The following COG5 variants were observed in gnomAD, a reference collection of about 807,000 sequenced individuals.
COG5 encodes component of oligomeric golgi complex 5, also known as conserved oligomeric Golgi complex subunit 5.
COG5 carries 86 observed loss-of-function variants against 110.4 expected under a neutral mutation model. That is an observed-to-expected ratio of 0.78 (90% CI 0.65 to 0.93). The LOEUF (loss-of-function observed/expected upper bound fraction) is 0.93. Ranked by LOEUF, COG5 falls within the 40% of genes least tolerant of loss-of-function variation. The pLI is 0.00. For synonymous variants in COG5, 360 were observed against 334.6 expected, an observed-to-expected ratio of 1.08 and a Z score of -0.83; for missense variants, 1,077 against 987.0, an observed-to-expected ratio of 1.09 and a Z score of -1.22.
In COG5 at chr7:107,336,917, T is replaced by C. The variant is rs958957472; in HGVS notation, c.1027-12396A>G. ...CGCCTGGGAGCCAGAAGGACAAATA[T>C]CCAGAACATAGAAAGAACTCAGTCA... On this transcript the variant is annotated intron_variant, in intron 10 of 21. Transcript: ENST00000297135. 3.3e-5 allele frequency among the ~76,000 whole-genome samples: 5 copies of C among 151,916 alleles called. No individual in the cohort carries two copies. The South Asian group carries it at 8.3e-4, about 25-fold the overall frequency.
intron 8 of COG5, among the ~76,000 whole-genome samples, chr7:107,369,135 G>A (rs1813888421): frequency 6.6e-6 from 1 of 152,060 alleles, no homozygotes; most frequent in African/African-American, 2.4e-5. Flanking sequence ...ATTCCAATGT[G>A]CGTATTTACA....
At chr7:107,347,149 A>G (rs1455461931) in intron 10 of COG5, among the ~76,000 whole-genome samples, 2 of 152,216 alleles carry the variant, frequency 1.3e-5, no homozygotes, top group Non-Finnish European at 2.9e-5. Flanking sequence ...AAACAACTAA[A>G]GAGTTTGGGG....
chr7:107,368,494 T>C (rs1194511403), intron 8 of COG5, among the ~76,000 whole-genome samples: 2 of 152,214 alleles, frequency 1.3e-5, no homozygotes, highest in Admixed American at 6.5e-5. Flanking sequence ...AACAGGTTTC[T>C]GGATCGCTGG....
intron 6 of COG5, among the ~76,000 whole-genome samples, chr7:107,525,129 T>C (rs1800634041): frequency 6.6e-6 from 1 of 152,098 alleles, no homozygotes; most frequent in African/African-American, 2.4e-5. Flanking sequence ...GGTTTCACCA[T>C]GTTGGCCAGG....
Position 107,534,727 on chromosome 7 carries a change from T to C in COG5, c.418-7370A>G, listed in dbSNP as rs368207841. On this transcript the variant is annotated intron_variant, in intron 5 of 21. Coordinates refer to ENST00000297135, the MANE Select transcript of COG5 (RefSeq NM_006348.5). ...TCCCAGACAGTAACAGTGGGAGACATTAACACCCCAATGTCAATATTAGTC... is the reference window on the plus strand; with the variant it reads ...TCCCAGACAGTAACAGTGGGAGACACTAACACCCCAATGTCAATATTAGTC... Among the ~76,000 whole-genome samples, 25 of 151,468 alleles carry C rather than the reference T, an allele frequency of 1.7e-4. No individual in the cohort carries two copies. The East Asian group carries it at 2.9e-3, about 18-fold the overall frequency.
intron 14 of COG5, among the ~76,000 whole-genome samples, chr7:107,269,474 CAA>C (rs200139122): frequency 1.8e-4 from 16 of 88,476 alleles, no homozygotes; most frequent in African/African-American, 2.0e-4. Flanking sequence ...GACTCCGTCT[CAA>C]AAAAAAAAAA....
At chr7:107,355,330 AC>A (rs1475451676) in intron 10 of COG5, among the ~76,000 whole-genome samples, 2 of 152,248 alleles carry the variant, frequency 1.3e-5, no homozygotes, top group Non-Finnish European at 2.9e-5. Context: ...ACAAAATGAT[AC>A]AGCAACTTTC....
chr7:107,282,578 G>A (rs1805265122), intron 13 of COG5, among the ~76,000 whole-genome samples: 1 of 152,176 alleles, frequency 6.6e-6, no homozygotes, highest in African/African-American at 2.4e-5. Flanking sequence ...CTGGAGTGCA[G>A]TGGCGTGATG....
At chr7:107,498,387 G>C (rs915039489) in intron 6 of COG5, among the ~76,000 whole-genome samples, 1 of 152,032 alleles carries the variant, frequency 6.6e-6, no homozygotes, top group Non-Finnish European at 1.5e-5. Context: ...TCTGATAAAG[G>C]GTTAATTTCC....
chr7:107,318,362 T>A (rs989486514), intron 11 of COG5, among the ~76,000 whole-genome samples: 5 of 152,188 alleles, frequency 3.3e-5, no homozygotes, highest in Non-Finnish European at 7.3e-5. Flanking sequence ...CCTGTCATAT[T>A]GAGAGACGAA....
intron 5 of COG5, among the ~76,000 whole-genome samples, chr7:107,531,773 T>G (rs1054465417): frequency 4.0e-5 from 6 of 151,864 alleles, no homozygotes; most frequent in Non-Finnish European, 7.4e-5. Flanking sequence ...GTGTTCCATT[T>G]CGGCCAGCAG....
intron 8 of COG5, among the ~76,000 whole-genome samples, chr7:107,370,928 G>C (rs1045971904): frequency 6.6e-5 from 10 of 151,698 alleles, no homozygotes; most frequent in Non-Finnish European, 2.9e-5. Context: ...TAATAAGGCA[G>C]CTTTTTTTAA....
At chr7:107,513,831 AG>A (rs1554453728) in intron 6 of COG5, among the ~76,000 whole-genome samples, 2 of 148,992 alleles carry the variant, frequency 1.3e-5, no homozygotes, top group Non-Finnish European at 3.0e-5. Context: ...TCTCACTGAT[AG>A]GTGGGAACTG....
Position 107,258,353 on chromosome 7 carries a change from T to G in COG5, c.1606A>C (p.Ile536Leu). 6.2e-7 allele frequency: 1 copy of G among 1,612,260 alleles called. No homozygotes were observed. The highest frequency in any genetic ancestry group is 8.5e-7 in the Non-Finnish European group (1 of 1,178,462). ...LSTQGDASQV[I>L]GPLTEGQRRN... Reference sequence around the variant, plus strand: ...CTCTGTCCTTCAGTAAGAGGCCCAATCACCTGACTTGCATCTCCTTGTGTG... The same window carrying G: ...CTCTGTCCTTCAGTAAGAGGCCCAAGCACCTGACTTGCATCTCCTTGTGTG... Residue 536 changes from isoleucine to leucine, a missense_variant, in exon 15 of 22, where the codon ATT becomes CTT. Physicochemically the swap from Ile to Leu is conservative, Grantham distance 5 (BLOSUM62 2). Transcript: ENST00000297135.
intron 5 of COG5, among the ~76,000 whole-genome samples, chr7:107,538,554 T>C (rs943708975): frequency 6.6e-6 from 1 of 152,144 alleles, no homozygotes; most frequent in Non-Finnish European, 1.5e-5. Context: ...AACTCAGCTA[T>C]TTACTCAAGA....
chr7:107,219,497 T>C (rs185830747), intron 19 of COG5, among the ~76,000 whole-genome samples: 10 of 152,332 alleles, frequency 6.6e-5, no homozygotes, highest in Admixed American at 2.0e-4. Context: ...AGAGTACTAT[T>C]CAGCCTTCAA....
chr7:107,289,057 C>T (rs535139518), intron 12 of COG5, among the ~76,000 whole-genome samples: 1 of 150,382 alleles, frequency 6.6e-6, no homozygotes, highest in East Asian at 2.0e-4. Context: ...AACTCCTGGA[C>T]TCAAGTGATT....
At chr7:107,363,915 A>AT (rs1203935943) in intron 8 of COG5, among the ~76,000 whole-genome samples, 3 of 151,694 alleles carry the variant, frequency 2.0e-5, no homozygotes, top group Non-Finnish European at 2.9e-5. Flanking sequence ...AGATCGTACC[A>AT]TTGCACTCCA....
Position 107,563,548 on chromosome 7 carries a change from G to C in COG5, c.94+255C>G, listed in dbSNP as rs553335952. On this transcript the variant is annotated intron_variant, in intron 1 of 21. Transcript: ENST00000297135. ...ACTTCAGGGAAGCTGGAGGCATGGG[G>C]GGGGGGGGGGTCGAGTTGAAATGAG... 2.2e-3 allele frequency: 986 copies of C among 445,258 alleles called. 4 individuals carry two copies. The highest frequency in any genetic ancestry group is 5.1e-3 in the East Asian group (121 of 23,728). 27.6% of individuals were successfully genotyped at this position (445,258 alleles called of 1,614,324 possible).
Sources: allele counts gnomAD v4.1 joint callset (sites outside exome capture counted in the v4.1 genomes callset), GRCh38; gene constraint gnomAD v4.1.1; transcripts MANE v1.5; gene names NCBI Gene and HGNC (gene_info 2026-07-23, HGNC 2026-07-21).